The following PTPRD variants were observed in gnomAD, a reference collection of about 807,000 sequenced individuals.
The protein encoded by PTPRD is protein tyrosine phosphatase receptor type D.
Under a neutral mutation model 214.5 loss-of-function variants are expected in PTPRD, and 34 were observed. The observed-to-expected ratio is 0.16, with a 90% CI of 0.12 to 0.21. The LOEUF is 0.21. PTPRD is among the 10% of genes least tolerant of loss of function. The probability of loss-of-function intolerance (pLI) is 1.00; values close to 1 mark genes in which losing one functional copy is unlikely to be tolerated. For missense variants in PTPRD, 2,545 were observed against 2,398.7 expected, an observed-to-expected ratio of 1.06 and a Z score of -1.27; for synonymous variants, 1,128 against 845.7, an observed-to-expected ratio of 1.33 and a Z score of -5.79.
Position 9,625,266 on chromosome 9 carries a change from G to GC in PTPRD, c.-286-50486dup, listed in dbSNP as rs140706996. On this transcript the variant is annotated intron_variant, in intron 7 of 45. Coordinates refer to ENST00000381196, the MANE Select transcript of PTPRD (RefSeq NM_002839.4). ...GAAGAGTGTGGACATGGGCAAGGGAGCAGAAGCACATGCTGGAGTGCACAG... is the reference window on the plus strand; with the variant it reads ...GAAGAGTGTGGACATGGGCAAGGGAGCCAGAAGCACATGCTGGAGTGCACAG... 2.7e-3 allele frequency among the ~76,000 whole-genome samples: 413 copies of GC among 152,286 alleles called. 1 individual carries two copies. Among genetic ancestry groups the GC allele is most frequent in the African/African-American group, 9.5e-3 (395 of 41,566 alleles).
At chr9:9,424,854 C>G (rs553090687) in intron 8 of PTPRD, among the ~76,000 whole-genome samples, 2 of 152,204 alleles carry the variant, frequency 1.3e-5, no homozygotes, top group East Asian at 3.9e-4. Flanking sequence ...TGCATATATA[C>G]TATGATGGAT....
At chr9:9,899,198 G>A (rs527349138) in intron 5 of PTPRD, among the ~76,000 whole-genome samples, 3 of 152,144 alleles carry the variant, frequency 2.0e-5, no homozygotes, top group African/African-American at 7.2e-5. Flanking sequence ...TAGAGAATCT[G>A]TAGGTAGAGA....
chr9:8,833,386 T>G (rs2154530338), intron 11 of PTPRD, among the ~76,000 whole-genome samples: 1 of 152,056 alleles, frequency 6.6e-6, no homozygotes, highest in East Asian at 1.9e-4. Context: ...AAGAATAGAG[T>G]CCAGTAAGTA....
intron 3 of PTPRD, among the ~76,000 whole-genome samples, chr9:10,190,543 C>A (rs2099359225): frequency 6.6e-6 from 1 of 150,770 alleles, no homozygotes; most frequent in African/African-American, 2.4e-5. Flanking sequence ...CATGGCGAAA[C>A]CCCATCTCTA....
chr9:10,281,930 G>A (rs561171446), intron 3 of PTPRD, among the ~76,000 whole-genome samples: 17 of 151,466 alleles, frequency 1.1e-4, no homozygotes, highest in African/African-American at 4.1e-4. Context: ...AAATTCCTGA[G>A]CTTATCTTTC....
intron 11 of PTPRD, among the ~76,000 whole-genome samples, chr9:8,997,553 G>T (rs2099401763): frequency 1.3e-5 from 2 of 152,044 alleles, no homozygotes; most frequent in South Asian, 2.1e-4. Context: ...CCACCAACCG[G>T]CCATTCTCCC....
chr9:10,509,850 A>T (rs1284168738), intron 2 of PTPRD, among the ~76,000 whole-genome samples: 1 of 151,876 alleles, frequency 6.6e-6, no homozygotes, highest in Non-Finnish European at 1.5e-5. Flanking sequence ...TCATATATAT[A>T]CAGGTATATA....
intron 2 of PTPRD, among the ~76,000 whole-genome samples, chr9:10,500,507 A>G (rs1172240726): frequency 6.6e-6 from 1 of 151,924 alleles, no homozygotes; most frequent in Non-Finnish European, 1.5e-5. Context: ...CAGGGTATGT[A>G]GAGCACCCAT....
intron 3 of PTPRD, among the ~76,000 whole-genome samples, chr9:10,220,822 T>A (rs1271920378): frequency 6.6e-6 from 1 of 151,930 alleles, no homozygotes; most frequent in African/African-American, 2.4e-5. Flanking sequence ...ACTTATAAAT[T>A]TTATAAATGG....
chr9:8,375,295 C>T (rs1282163789), intron 39 of PTPRD, among the ~76,000 whole-genome samples: 2 of 151,858 alleles, frequency 1.3e-5, no homozygotes, highest in African/African-American at 4.8e-5. Flanking sequence ...GGTGATGTAG[C>T]TGTTAGAGTT....
intron 2 of PTPRD, among the ~76,000 whole-genome samples, chr9:10,385,042 C>A (rs930818416): frequency 3.3e-5 from 5 of 151,800 alleles, no homozygotes; most frequent in Non-Finnish European, 7.4e-5. Context: ...GTATCTCTCA[C>A]CATTCCTAAC....
intron 8 of PTPRD, among the ~76,000 whole-genome samples, chr9:9,422,147 C>T (rs1055211094): frequency 1.3e-5 from 2 of 152,010 alleles, no homozygotes; most frequent in African/African-American, 2.4e-5. Flanking sequence ...GTATGCATCG[C>T]TTTGTTCACT....
At chr9:10,233,078 G>A (rs1310012571) in intron 3 of PTPRD, among the ~76,000 whole-genome samples, 2 of 152,010 alleles carry the variant, frequency 1.3e-5, no homozygotes, top group African/African-American at 4.8e-5. Flanking sequence ...AGTGAAATTT[G>A]TTGATGGTGT....
chr9:9,843,213 G>T (rs141070409), intron 5 of PTPRD, among the ~76,000 whole-genome samples: 78 of 152,114 alleles, frequency 5.1e-4, no homozygotes, highest in African/African-American at 1.8e-3. Flanking sequence ...GTTCTAAAGA[G>T]ACAAGAATTC....
chr9:10,608,867 T>C (rs1159350279), intron 2 of PTPRD, among the ~76,000 whole-genome samples: 1 of 152,100 alleles, frequency 6.6e-6, no homozygotes, highest in Non-Finnish European at 1.5e-5. Context: ...TTTGACTGTA[T>C]CAGGAGACAT....
chr9:9,627,446 A>G (rs1463836541), intron 7 of PTPRD, among the ~76,000 whole-genome samples: 2 of 152,236 alleles, frequency 1.3e-5, no homozygotes, highest in Non-Finnish European at 2.9e-5. Flanking sequence ...CTAGAGATCA[A>G]TGAATCAATT....
intron 45 of PTPRD, among the ~76,000 whole-genome samples, chr9:8,319,202 C>T (rs1005925300): frequency 6.6e-6 from 1 of 151,966 alleles, no homozygotes; most frequent in Admixed American, 6.6e-5. Context: ...AATTTGGTGG[C>T]CTTTTGCAGA....
intron 6 of PTPRD, among the ~76,000 whole-genome samples, chr9:9,743,094 T>C (rs971021729): frequency 1.3e-5 from 2 of 152,200 alleles, no homozygotes; most frequent in African/African-American, 2.4e-5. Context: ...TGTTCCCACA[T>C]AGCCTTACCT....
intron 26 of PTPRD, among the ~76,000 whole-genome samples, chr9:8,495,274 AC>A (rs938918866): frequency 2.8e-4 from 43 of 152,190 alleles, no homozygotes; most frequent in Admixed American, 7.2e-4. Flanking sequence ...GAACGGTAAC[AC>A]ATCTGCAAAA....
Sources: gnomAD v4.1 joint callset for allele counts (sites outside exome capture counted in the v4.1 genomes callset) on GRCh38, gnomAD v4.1.1 for gene constraint, MANE v1.5 for transcripts, NCBI Gene and HGNC (gene_info 2026-07-23, HGNC 2026-07-21) for gene names.